GM2A: variants seen among roughly 807,000 people sequenced by gnomAD.
GM2A encodes ganglioside GM2 activator.
Under a neutral mutation model 12.9 loss-of-function variants are expected in GM2A, and 7 were observed. The ratio of observed to expected loss-of-function variants is 0.54; its 90% confidence interval spans 0.31 to 1.02. GM2A has a LOEUF of 1.02. Among genes scored for constraint, GM2A ranks in the 50% least tolerant of loss-of-function variants. The pLI is 0.05. For synonymous variants in GM2A, 101 were observed against 96.0 expected (o/e 1.05, Z -0.30); for missense variants, 246 against 241.0 (o/e 1.02, Z -0.14).
At chr5:151,267,176 G>T in intron 3 of GM2A, 120 bp from the exon 4 acceptor site, 2 of 1,289,948 alleles carry the variant, frequency 1.6e-6, no homozygotes, top group South Asian at 2.5e-5. Context: ...CATCTTGTGC[G>T]GCTGTTTTGA....
chr5:151,268,167 T>TG lies in GM2A; in HGVS notation c.*716_*717insG. The stretch of plus-strand genomic sequence containing the variant: ...GCTTGATTTCGATTTTTCGCTTTTT[T>TG]TTTTTTTGAGACAGAATCTCACTTT... On this transcript the variant is annotated 3_prime_UTR_variant, in exon 4 of 4. Transcript: ENST00000357164. The TG allele has an allele frequency of 6.1e-6, 6 of 982,334 alleles. No individual in the cohort carries two copies. Among genetic ancestry groups the TG allele is most frequent in the Non-Finnish European group, 7.3e-6 (6 of 827,250 alleles). 60.9% of individuals were successfully genotyped at this position (982,334 alleles called of 1,614,324 possible).
rs768756904 is a variant in GM2A at position 151,253,285 on chromosome 5, C to T, written c.69C>T (p.Ala23=). The T allele has an allele frequency of 1.2e-6, 2 of 1,613,154 alleles. No individual in the cohort carries two copies. The highest frequency in any genetic ancestry group is 1.1e-5 in the South Asian group (1 of 91,072). The change falls in exon 1 of 4, where the codon GCC becomes GCT. Residue 23 remains alanine, a synonymous_variant. Coordinates refer to ENST00000357164, the MANE Select transcript of GM2A (RefSeq NM_000405.5). ...LGLLLAAPAQ[A]HLKKPSQLSS... The stretch of plus-strand genomic sequence containing the variant: ...TGCTTCTCGCGGCCCCTGCGCAAGC[C>T]CACCTGAAAAAGGTGAGTGCACCCT...
At chr5:151,256,016 C>T (rs1753678226) in intron 1 of GM2A, among the ~76,000 whole-genome samples, 4 of 152,130 alleles carry the variant, frequency 2.6e-5, no homozygotes, top group Admixed American at 2.0e-4. Context: ...AGAGCCCTGA[C>T]CTTGAGTCCC....
rs565102108 is a variant in GM2A at position 151,270,331 on chromosome 5, A to G, written c.*2880A>G. ...AACGTGGTGGAAATATCCAGTGGCA[A>G]CAAAATATTGACACATTTGACTACA... On this transcript the variant is annotated 3_prime_UTR_variant, in exon 4 of 4. Coordinates refer to ENST00000357164, the MANE Select transcript of GM2A (RefSeq NM_000405.5). 2.5e-6 allele frequency: 1 copy of G among 399,526 alleles called. No individual in the cohort carries two copies. The highest frequency in any genetic ancestry group is 1.3e-4 in the South Asian group (1 of 7,876). The allele number at this position is 399,526 out of a possible 1,614,324, so 24.7% of individuals were successfully genotyped here. A position where few individuals can be genotyped will look rare whatever the true frequency, so the allele number is the denominator to read the frequency against.
chr5:151,267,715 A>G lies in GM2A; in HGVS notation c.*264A>G. 1.4e-6 allele frequency: 2 copies of G among 1,386,092 alleles called. No individual in the cohort carries two copies. Among genetic ancestry groups the G allele is most frequent in the East Asian group, 3.4e-5 (1 of 29,698 alleles). 85.9% of individuals were successfully genotyped at this position (1,386,092 alleles called of 1,614,324 possible). ...GACCACGTTACTCATCCCCGTTAAC[A>G]TTCTCTCTAAAGAGCCTCGTTCATT... On this transcript the variant is annotated 3_prime_UTR_variant, in exon 4 of 4. Transcript: ENST00000357164.
chr5:151,253,210 C>T lies in GM2A; in HGVS notation c.-7C>T, dbSNP rs371628812. ...GCAGTTAACTCCGCCCTGACCCACCCTTCCCGATGCAGTCCCTGATGCAGG... is the reference window on the plus strand; with the variant it reads ...GCAGTTAACTCCGCCCTGACCCACCTTTCCCGATGCAGTCCCTGATGCAGG... On this transcript the variant is annotated 5_prime_UTR_variant, in exon 1 of 4. Transcript: ENST00000357164. 3 of 1,612,782 alleles carry T rather than the reference C, an allele frequency of 1.9e-6. No individual in the cohort carries two copies. Among genetic ancestry groups the T allele is most frequent in the African/African-American group, 1.3e-5 (1 of 75,022 alleles).
At position 151,269,579 on chromosome 5, in the gene GM2A, T is replaced by C. The variant is rs1753967232; in HGVS notation, c.*2128T>C. The C allele has an allele frequency of 5.3e-6, 2 of 379,532 alleles. No individual in the cohort carries two copies. Among genetic ancestry groups the C allele is most frequent in the African/African-American group, 2.2e-5 (1 of 45,992 alleles). The allele number at this position is 379,532 out of a possible 1,614,324, so 23.5% of individuals were successfully genotyped here. ...AGACCACCTGGTGACTATCAGGCCA[T>C]GCAGAGGCAAAACGCCTTATTTGGG... is the stretch of plus-strand genomic sequence containing the variant. On this transcript the variant is annotated 3_prime_UTR_variant, in exon 4 of 4. Coordinates refer to ENST00000357164, the MANE Select transcript of GM2A (RefSeq NM_000405.5).
intron 1 of GM2A, among the ~76,000 whole-genome samples, chr5:151,254,276 A>T (rs1753642966): frequency 6.6e-6 from 1 of 152,208 alleles, no homozygotes; most frequent in Non-Finnish European, 1.5e-5. Context: ...TATACCCAGA[A>T]GTGGGATAAT....
chr5:151,259,445 G>A (rs1753751160), intron 1 of GM2A, among the ~76,000 whole-genome samples: 1 of 152,144 alleles, frequency 6.6e-6, no homozygotes, highest in Non-Finnish European at 1.5e-5. Context: ...CAGAGAAGGT[G>A]CCCACCAAAG....
chr5:151,265,139 GGA>G (rs1310912251), intron 2 of GM2A, among the ~76,000 whole-genome samples: 1 of 152,188 alleles, frequency 6.6e-6, no homozygotes, highest in African/African-American at 2.4e-5. Flanking sequence ...ATGAGAGAGA[GGA>G]GGGCTGAGAG....
chr5:151,265,508 G>A (rs1409884330), intron 2 of GM2A, among the ~76,000 whole-genome samples: 1 of 152,226 alleles, frequency 6.6e-6, no homozygotes, highest in African/African-American at 2.4e-5. Flanking sequence ...GCCATAACAC[G>A]CACAAGGAAT....
chr5:151,256,935 T>G (rs1331164264), intron 1 of GM2A, among the ~76,000 whole-genome samples: 1 of 152,090 alleles, frequency 6.6e-6, no homozygotes, highest in Non-Finnish European at 1.5e-5. Context: ...TCTTGAGGAG[T>G]TGTGCCCTGT....
At chr5:151,260,160 G>C (rs928530834) in intron 2 of GM2A, among the ~76,000 whole-genome samples, 4 of 152,190 alleles carry the variant, frequency 2.6e-5, no homozygotes, top group African/African-American at 9.7e-5. Flanking sequence ...CGGATACCTT[G>C]CACCTGGCAG....
chr5:151,268,868 G>GA lies in GM2A; in HGVS notation c.*1417_*1418insA, dbSNP rs1753952837. 1.0e-6 allele frequency: 1 copy of GA among 985,330 alleles called. No homozygotes were observed. The highest frequency in any genetic ancestry group is 4.7e-5 in the South Asian group (1 of 21,286). The allele number at this position is 985,330 out of a possible 1,614,324, so 61.0% of individuals were successfully genotyped here. A position where few individuals can be genotyped will look rare whatever the true frequency, so the allele number is the denominator to read the frequency against. ...TCTGATCTCAGACCGTGCATGCCTT[G>GA]TCCTCTTAAGACAACTCCTGTGGCA... is the stretch of plus-strand genomic sequence containing the variant. On this transcript the variant is annotated 3_prime_UTR_variant, in exon 4 of 4. Coordinates refer to ENST00000357164, the MANE Select transcript of GM2A (RefSeq NM_000405.5).
At position 151,253,899 on chromosome 5, in the gene GM2A, G is replaced by A. The variant is rs376589238; in HGVS notation, c.81+602G>A. 9.2e-5 allele frequency among the ~76,000 whole-genome samples: 14 copies of A among 152,174 alleles called. 1 individual carries two copies. The highest frequency in any genetic ancestry group is 2.0e-4 in the Admixed American group (3 of 15,284). ...TCTTCCTTCACTTCTCATTCACACC[G>A]TGCTGCAGATCCCTGGGAAAGGGAA... On this transcript the variant is annotated intron_variant, in intron 1 of 3. Coordinates refer to ENST00000357164, the MANE Select transcript of GM2A (RefSeq NM_000405.5).
At chr5:151,256,049 G>C (rs553041289) in intron 1 of GM2A, among the ~76,000 whole-genome samples, 11 of 152,250 alleles carry the variant, frequency 7.2e-5, no homozygotes, top group Admixed American at 2.6e-4. Context: ...AGATGGGGGT[G>C]GGGGGTGACA....
chr5:151,270,161 CT>C lies in GM2A; in HGVS notation c.*2713del. 8.4e-7 allele frequency: 1 copy of C among 1,196,828 alleles called. No homozygotes were observed. Among genetic ancestry groups the C allele is most frequent in the Non-Finnish European group, 1.0e-6 (1 of 959,092 alleles). The allele number at this position is 1,196,828 out of a possible 1,614,324, so 74.1% of individuals were successfully genotyped here. Reference sequence around the variant, plus strand: ...ATCTTCAATCGCAGGTCAAAGCAGACTTTAATAAATGGTGCTGAGCCAACTG... The same window carrying C: ...ATCTTCAATCGCAGGTCAAAGCAGACTTAATAAATGGTGCTGAGCCAACTG... On this transcript the variant is annotated 3_prime_UTR_variant, in exon 4 of 4. Transcript: ENST00000357164.
At chr5:151,266,466 TTC>T (rs1753886949) in intron 2 of GM2A, among the ~76,000 whole-genome samples, 1 of 107,278 alleles carries the variant, frequency 9.3e-6, no homozygotes. Flanking sequence ...AAAAAAAGAA[TTC>T]TAAGTCTATG....
chr5:151,269,086 G>A lies in GM2A; in HGVS notation c.*1635G>A. 3 of 985,492 alleles carry A rather than the reference G, an allele frequency of 3.0e-6. No individual in the cohort carries two copies. The highest frequency in any genetic ancestry group is 3.6e-6 in the Non-Finnish European group (3 of 829,960). 61.0% of individuals were successfully genotyped at this position (985,492 alleles called of 1,614,324 possible). A position where few individuals can be genotyped will look rare whatever the true frequency, so the allele number is the denominator to read the frequency against. ...AGCCTCACCAGCAGCTGCTTTTGGAGCAGGGGTCCAAGGAAGAGAGGGTGG... is the reference window on the plus strand; with the variant it reads ...AGCCTCACCAGCAGCTGCTTTTGGAACAGGGGTCCAAGGAAGAGAGGGTGG... On this transcript the variant is annotated 3_prime_UTR_variant, in exon 4 of 4. Coordinates refer to ENST00000357164, the MANE Select transcript of GM2A (RefSeq NM_000405.5).
Sources: gnomAD v4.1 joint callset for allele counts (sites outside exome capture counted in the v4.1 genomes callset) on GRCh38, gnomAD v4.1.1 for gene constraint, MANE v1.5 for transcripts, NCBI Gene and HGNC (gene_info 2026-07-23, HGNC 2026-07-21) for gene names.